The following DOK6 variants were observed in gnomAD, a reference collection of about 807,000 sequenced individuals.
DOK6 encodes downstream of tyrosine kinase 6.
In DOK6, 22 loss-of-function variants were observed where a neutral mutation model predicts 44.0. The observed-to-expected ratio is 0.50, with a 90% CI of 0.36 to 0.71. DOK6 has a LOEUF of 0.71. DOK6 is among the 30% of genes least tolerant of loss of function. The pLI is 0.00. For synonymous variants in DOK6, 166 were observed against 145.5 expected, an observed-to-expected ratio of 1.14 and a Z score of -1.01; for missense variants, 340 against 416.4, an observed-to-expected ratio of 0.82 and a Z score of 1.60.
At chr18:69,754,435 TAC>T (rs1489774866) in intron 6 of DOK6, among the ~76,000 whole-genome samples, 1 of 150,850 alleles carries the variant, frequency 6.6e-6, no homozygotes, top group East Asian at 2.0e-4. Flanking sequence ...CAATTTCTAA[TAC>T]ATTGCTTAAA....
chr18:69,832,930 A>G (rs928875822), intron 7 of DOK6, among the ~76,000 whole-genome samples: 3 of 152,222 alleles, frequency 2.0e-5, no homozygotes, highest in African/African-American at 7.2e-5. Flanking sequence ...AAAAAAATGG[A>G]AAGATATTCC....
intron 5 of DOK6, among the ~76,000 whole-genome samples, chr18:69,706,683 C>CT (rs1261745010): frequency 0.031 from 3,531 of 115,380 alleles, 86 homozygotes; most frequent in Middle Eastern, 0.083. Context: ...CCCCTCCCCC[C>CT]TCCCCCCACC....
chr18:69,777,402 G>A (rs916310468), intron 7 of DOK6, among the ~76,000 whole-genome samples: 2 of 152,006 alleles, frequency 1.3e-5, no homozygotes, highest in African/African-American at 4.8e-5. Flanking sequence ...TATTATTTAT[G>A]CTAAAAATAC....
At chr18:69,462,904 G>A (rs751619048) in intron 1 of DOK6, among the ~76,000 whole-genome samples, 2 of 152,170 alleles carry the variant, frequency 1.3e-5, no homozygotes, top group Non-Finnish European at 2.9e-5. Context: ...TGACAACTCT[G>A]CCTGCTTTTC....
rs773042950 is a variant in DOK6, at chr18:69,841,349, A to C, written c.962A>C (p.Tyr321Ser). 7 of 1,614,160 alleles carry C rather than the reference A, an allele frequency of 4.3e-6. No individual in the cohort carries two copies. In the East Asian group the frequency reaches 1.6e-4, roughly 36 times the overall value. ...CAGCCGTTGTCGCGGTCCAGCAGCT[A>C]TGGATTCAGCTACAGCTCCAGCCTC... ...AQQPLSRSSS[Y>S]GFSYSSSLIQ The change falls in exon 8 of 8, where the codon TAT becomes TCT. Residue 321 changes from tyrosine (Y) to serine (S), a missense_variant. Physicochemically the swap from Tyr to Ser is moderately radical, Grantham distance 144. Around this residue, in one of 3 missense-constraint regions of DOK6, gnomAD observed 112 missense variants for 109.3 expected, o/e 1.02. Coordinates refer to ENST00000382713, the MANE Select transcript of DOK6 (RefSeq NM_152721.6).
At chr18:69,554,623 G>A (rs927023485) in intron 1 of DOK6, among the ~76,000 whole-genome samples, 4 of 152,088 alleles carry the variant, frequency 2.6e-5, no homozygotes, top group Non-Finnish European at 5.9e-5. Flanking sequence ...CTTGTGCAAT[G>A]TACAGATATT....
chr18:69,527,687 C>G (rs17204113), intron 1 of DOK6, among the ~76,000 whole-genome samples: 1 of 152,160 alleles, frequency 6.6e-6, no homozygotes, highest in African/African-American at 2.4e-5. Context: ...TGAAATTCAT[C>G]TGGCAACTAC....
chr18:69,700,552 T>A lies in DOK6; in HGVS notation c.599+1959T>A, dbSNP rs141119055. 2.4e-3 allele frequency among the ~76,000 whole-genome samples: 364 copies of A among 152,276 alleles called. 1 individual carries two copies. Among genetic ancestry groups the A allele is most frequent in the African/African-American group, 8.2e-3 (341 of 41,566 alleles). On this transcript the variant is annotated intron_variant, in intron 5 of 7. Coordinates refer to ENST00000382713, the MANE Select transcript of DOK6 (RefSeq NM_152721.6). ...GGAATTTGGTATCTATTTTTTTCCC[T>A]CTGTTTATTTCCTTGTCTTTGAGAT...
At chr18:69,460,009 C>T (rs983178187) in intron 1 of DOK6, among the ~76,000 whole-genome samples, 8 of 152,080 alleles carry the variant, frequency 5.3e-5, no homozygotes, top group African/African-American at 1.2e-4. Context: ...TCTCATTAGT[C>T]GTTTTAATAC....
chr18:69,510,165 A>G (rs1981325419), intron 1 of DOK6, among the ~76,000 whole-genome samples: 2 of 152,194 alleles, frequency 1.3e-5, no homozygotes, highest in Non-Finnish European at 2.9e-5. Flanking sequence ...AAACAAACGA[A>G]TCCTAACATT....
At chr18:69,437,947 A>G (rs1979028865) in intron 1 of DOK6, among the ~76,000 whole-genome samples, 1 of 152,182 alleles carries the variant, frequency 6.6e-6, no homozygotes, top group African/African-American at 2.4e-5. Flanking sequence ...CTGAAAAACA[A>G]TGTAATTCCT....
chr18:69,652,650 C>T (rs897532870), intron 3 of DOK6, among the ~76,000 whole-genome samples: 6 of 152,114 alleles, frequency 3.9e-5, no homozygotes, highest in African/African-American at 9.7e-5. Flanking sequence ...GACTCTTTTC[C>T]TTGGTATGTT....
At position 69,549,063 on chromosome 18, in the gene DOK6, A is replaced by T. The variant is rs762667196; in HGVS notation, c.67-15424A>T. Reference sequence around the variant, plus strand: ...GTGAGCCAAGATCGCGCCACTGCACATCAGCCTGGGTGAAAGAGTGAGACT... The same window carrying T: ...GTGAGCCAAGATCGCGCCACTGCACTTCAGCCTGGGTGAAAGAGTGAGACT... On this transcript the variant is annotated intron_variant, in intron 1 of 7. Coordinates refer to ENST00000382713, the MANE Select transcript of DOK6 (RefSeq NM_152721.6). Among the ~76,000 whole-genome samples the T allele has an allele frequency of 4.1e-4, 61 of 149,136 alleles. 1 individual carries two copies. Among genetic ancestry groups the T allele is most frequent in the Non-Finnish European group, 7.3e-4 (49 of 66,838 alleles).
chr18:69,774,133 G>GATATATATAGATATATAT lies in DOK6; in HGVS notation c.856+16269_856+16270insGATATATATATATATATA, dbSNP rs1555670144. ...TAGATTTATATAGATATATATATGA[G>GATATATATAGATATATAT]ATATATATATATATATATATATAAT... is the stretch of plus-strand genomic sequence containing the variant. On this transcript the variant is annotated intron_variant, in intron 7 of 7. Transcript: ENST00000382713. Among the ~76,000 whole-genome samples, 122 of 66,894 alleles carry GATATATATAGATATATAT rather than the reference G, an allele frequency of 1.8e-3. 10 individuals carry two copies. The East Asian group carries it at 0.072, about 40-fold the overall frequency. The allele number at this position is 66,894 out of a possible 152,430, so 43.9% of individuals were successfully genotyped here.
At chr18:69,707,523 CATTT>C (rs1649829018) in intron 5 of DOK6, among the ~76,000 whole-genome samples, 2 of 152,156 alleles carry the variant, frequency 1.3e-5, no homozygotes, top group Non-Finnish European at 2.9e-5. Context: ...GCTATTTATT[CATTT>C]ATCACTGTAC....
chr18:69,640,945 G>T (rs1984924302), intron 3 of DOK6, among the ~76,000 whole-genome samples: 2 of 152,088 alleles, frequency 1.3e-5, no homozygotes. Flanking sequence ...AGGCATGGTG[G>T]CTCACGCCTG....
At chr18:69,402,591 C>G (rs1275097196) in intron 1 of DOK6, among the ~76,000 whole-genome samples, 1 of 152,176 alleles carries the variant, frequency 6.6e-6, no homozygotes, top group Non-Finnish European at 1.5e-5. Context: ...ACTCTTGGTG[C>G]TGCCTCTGCT....
chr18:69,695,915 G>C (rs948060753), intron 4 of DOK6, among the ~76,000 whole-genome samples: 2 of 152,182 alleles, frequency 1.3e-5, no homozygotes, highest in African/African-American at 4.8e-5. Flanking sequence ...AAGTATGTGA[G>C]GACAGGGAAA....
chr18:69,488,129 G>A (rs1352480110), intron 1 of DOK6, among the ~76,000 whole-genome samples: 2 of 152,098 alleles, frequency 1.3e-5, no homozygotes, highest in Non-Finnish European at 2.9e-5. Flanking sequence ...CTCATAGTGT[G>A]TTTCTATGAC....
Sources: allele counts gnomAD v4.1 joint callset (sites outside exome capture counted in the v4.1 genomes callset), GRCh38; gene constraint gnomAD v4.1.1; regional missense constraint gnomAD v4.1.1; transcripts MANE v1.5; gene names NCBI Gene and HGNC (gene_info 2026-07-23, HGNC 2026-07-21).